EYA2: variants seen among roughly 807,000 people sequenced by gnomAD.
The protein encoded by EYA2 is EYA transcriptional coactivator and phosphatase 2.
A neutral mutation model predicts 69.2 loss-of-function variants in EYA2; 31 were observed. That is an observed-to-expected ratio of 0.45 (90% CI 0.34 to 0.60). The LOEUF (loss-of-function observed/expected upper bound fraction) is 0.60, where lower values mean the gene tolerates loss of function less well. Among genes scored for constraint, EYA2 ranks in the 20% least tolerant of loss-of-function variants. EYA2 has a pLI of 0.02. For missense variants in EYA2, 622 were observed against 701.2 expected (o/e 0.89, Z 1.28); for synonymous variants, 257 against 279.4 (o/e 0.92, Z 0.80).
intron 9 of EYA2, among the ~76,000 whole-genome samples, chr20:47,125,266 A>G (rs991590789): frequency 2.0e-5 from 3 of 151,924 alleles, no homozygotes; most frequent in African/African-American, 2.4e-5. Flanking sequence ...TGTATTAGCC[A>G]GGATGGTCTT....
At chr20:46,909,090 G>A (rs548237721) in intron 1 of EYA2, among the ~76,000 whole-genome samples, 10 of 151,916 alleles carry the variant, frequency 6.6e-5, no homozygotes, top group African/African-American at 2.4e-4. Context: ...AGGCAAGATG[G>A]TCCAAATCTA....
chr20:47,001,564 AT>A (rs1001941082), intron 3 of EYA2, 91 bp downstream of exon 3: 2 of 1,335,804 alleles, frequency 1.5e-6, no homozygotes, highest in Non-Finnish European at 1.1e-6. Flanking sequence ...CTGGAGCCAG[AT>A]TCCCTGGATA....
rs1275945161 is a variant in EYA2 at position 47,173,526 on chromosome 20, AAAAAAAC to A, written c.1198+660_1198+666del. Among the ~76,000 whole-genome samples the A allele has an allele frequency of 4.5e-3, 679 of 150,762 alleles. 14 individuals are homozygous for A. Among genetic ancestry groups the A allele is most frequent in the Admixed American group, 0.037 (552 of 15,086 alleles). On this transcript the variant is annotated intron_variant, in intron 12 of 15. Transcript: ENST00000327619. ...AGACCCCGTAAAAAAAAAAAAAAAA[AAAAAAAC>A]GTGCAGGGTCTCAGGCCTCATCCTG...
At chr20:47,001,787 C>T (rs1282286274) in intron 3 of EYA2, among the ~76,000 whole-genome samples, 1 of 147,446 alleles carries the variant, frequency 6.8e-6, no homozygotes, top group Non-Finnish European at 1.5e-5. Flanking sequence ...TCTCTTCATT[C>T]TTTTTTTTTT....
chr20:46,937,441 TG>T (rs1985958177), intron 1 of EYA2, among the ~76,000 whole-genome samples: 1 of 152,212 alleles, frequency 6.6e-6, no homozygotes, highest in Admixed American at 6.5e-5. Context: ...GGATAGTGCC[TG>T]GAACAGTGTA....
At chr20:46,904,362 A>G (rs1353291354) in intron 1 of EYA2, among the ~76,000 whole-genome samples, 1 of 152,118 alleles carries the variant, frequency 6.6e-6, no homozygotes, top group Non-Finnish European at 1.5e-5. Context: ...ATTTGAAAAT[A>G]AAAGAACACA....
At chr20:47,085,653 AAAAG>A (rs35829230) in intron 7 of EYA2, among the ~76,000 whole-genome samples, 7,057 of 151,976 alleles carry the variant, frequency 0.046, 541 homozygotes, top group African/African-American at 0.16. Flanking sequence ...TCAAAAAAAA[AAAAG>A]AAAGAAAGAA....
intron 1 of EYA2, among the ~76,000 whole-genome samples, chr20:46,931,500 T>C (rs541256932): frequency 4.3e-4 from 66 of 152,334 alleles, no homozygotes; most frequent in Non-Finnish European, 8.2e-4. Context: ...TTTTCTTCTC[T>C]GTAAAATGGA....
intron 1 of EYA2, among the ~76,000 whole-genome samples, chr20:46,968,794 C>T (rs1037319034): frequency 2.6e-5 from 4 of 152,132 alleles, no homozygotes; most frequent in Non-Finnish European, 4.4e-5. Flanking sequence ...CGCCCCCCAC[C>T]GACCCCACTA....
intron 11 of EYA2, among the ~76,000 whole-genome samples, chr20:47,171,385 GTTTT>G (rs1283052766): frequency 6.6e-6 from 1 of 151,836 alleles, no homozygotes; most frequent in African/African-American, 2.4e-5. Flanking sequence ...CCTCTTGTTT[GTTTT>G]TTTGTTTTGT....
At chr20:47,007,006 C>T (rs1375045573) in intron 4 of EYA2, among the ~76,000 whole-genome samples, 1 of 152,150 alleles carries the variant, frequency 6.6e-6, no homozygotes. Context: ...CGCAGCTCAC[C>T]GCAAGCTCAA....
chr20:47,135,868 A>T (rs2033462118), intron 9 of EYA2, among the ~76,000 whole-genome samples: 1 of 147,010 alleles, frequency 6.8e-6, no homozygotes, highest in African/African-American at 2.6e-5. Context: ...AAACTAATTA[A>T]TTAATTAATT....
intron 10 of EYA2, among the ~76,000 whole-genome samples, chr20:47,154,209 A>G (rs998362026): frequency 3.3e-5 from 5 of 151,992 alleles, no homozygotes; most frequent in Admixed American, 3.3e-4. Flanking sequence ...CCTTTCCTCA[A>G]TGCATGTACA....
chr20:46,981,925 C>A (rs1423271463), intron 1 of EYA2, among the ~76,000 whole-genome samples: 1 of 139,000 alleles, frequency 7.2e-6, no homozygotes, highest in African/African-American at 2.9e-5. Flanking sequence ...TATAAACATA[C>A]ATGAAATGTT....
chr20:46,901,029 A>C (rs572741070), intron 1 of EYA2: 1 of 152,242 alleles, frequency 6.6e-6, no homozygotes, highest in African/African-American at 2.4e-5. Context: ...TGCCTGTTAG[A>C]CGTGTTTGGT....
chr20:47,177,820 G>A (rs1030283993), intron 12 of EYA2, among the ~76,000 whole-genome samples: 13 of 152,234 alleles, frequency 8.5e-5, no homozygotes, highest in African/African-American at 2.4e-4. Context: ...CTATGATGGC[G>A]AACAAGACTG....
chr20:47,122,680 G>C (rs2033085107), intron 9 of EYA2, among the ~76,000 whole-genome samples: 2 of 152,148 alleles, frequency 1.3e-5, no homozygotes, highest in South Asian at 4.1e-4. Context: ...TTGCAAAGTG[G>C]TCAAGAGCAG....
intron 4 of EYA2, among the ~76,000 whole-genome samples, chr20:47,013,941 A>G (rs981795509): frequency 6.6e-6 from 1 of 152,218 alleles, no homozygotes; most frequent in African/African-American, 2.4e-5. Flanking sequence ...CATCAAGGTA[A>G]GGAACCTTGA....
chr20:47,142,514 C>G (rs568158305), intron 9 of EYA2, among the ~76,000 whole-genome samples: 34 of 152,280 alleles, frequency 2.2e-4, no homozygotes, highest in African/African-American at 7.0e-4. Context: ...TACCATAGTG[C>G]CTTTGTGTTT....
Sources: allele counts gnomAD v4.1 joint callset (sites outside exome capture counted in the v4.1 genomes callset), GRCh38; gene constraint gnomAD v4.1.1; transcripts MANE v1.5; gene names NCBI Gene and HGNC (gene_info 2026-07-23, HGNC 2026-07-21).